PTK2B: variants seen among roughly 807,000 people sequenced by gnomAD.
PTK2B encodes protein tyrosine kinase 2 beta.
PTK2B carries 71 observed loss-of-function variants against 142.9 expected under a neutral mutation model. That is an observed-to-expected ratio of 0.50 (90% CI 0.41 to 0.61). The LOEUF (loss-of-function observed/expected upper bound fraction) is 0.61. PTK2B is among the 20% of genes least tolerant of loss of function. The pLI, the probability that PTK2B is intolerant of heterozygous loss-of-function variation, is 0.00. For synonymous variants in PTK2B, 519 were observed against 503.4 expected, an observed-to-expected ratio of 1.03 and a Z score of -0.42; for missense variants, 1,105 against 1,320.4, an observed-to-expected ratio of 0.84 and a Z score of 2.53.
chr8:27,335,467 C>A (rs1458170030), intron 1 of PTK2B, among the ~76,000 whole-genome samples: 1 of 152,078 alleles, frequency 6.6e-6, no homozygotes, highest in East Asian at 1.9e-4. Context: ...TGGCGCAGGC[C>A]TGTAATCCCA....
At chr8:27,438,110 G>A (rs925420115) in intron 18 of PTK2B, 11 of 494,298 alleles carry the variant, frequency 2.2e-5, no homozygotes, top group Admixed American at 3.2e-5. Context: ...TCTGAAGTCC[G>A]AGGTGTCTGT....
intron 5 of PTK2B, among the ~76,000 whole-genome samples, chr8:27,426,381 A>G (rs754875884): frequency 6.6e-6 from 1 of 152,204 alleles, no homozygotes; most frequent in Non-Finnish European, 1.5e-5. Flanking sequence ...AGGACCAGTC[A>G]GGCACTAGAG....
At chr8:27,423,441 C>T (rs1463321100) in intron 5 of PTK2B, among the ~76,000 whole-genome samples, 1 of 152,134 alleles carries the variant, frequency 6.6e-6, no homozygotes, top group Non-Finnish European at 1.5e-5. Context: ...TGGCCCTACC[C>T]TTGGGAGATT....
chr8:27,369,719 A>G (rs1806229474), intron 1 of PTK2B, among the ~76,000 whole-genome samples: 1 of 150,938 alleles, frequency 6.6e-6, no homozygotes, highest in Non-Finnish European at 1.5e-5. Context: ...TCATGCCCGT[A>G]ATCCCAGCAC....
chr8:27,345,066 G>A (rs1184407978), intron 1 of PTK2B, among the ~76,000 whole-genome samples: 2 of 152,204 alleles, frequency 1.3e-5, no homozygotes, highest in Non-Finnish European at 2.9e-5. Flanking sequence ...AGGAGGCTGA[G>A]GCAGGAGAAT....
chr8:27,367,363 T>C (rs1328339419), intron 1 of PTK2B, among the ~76,000 whole-genome samples: 1 of 152,204 alleles, frequency 6.6e-6, no homozygotes, highest in Non-Finnish European at 1.5e-5. Flanking sequence ...AAAGTCCATC[T>C]GGACTGGTCC....
At chr8:27,349,141 C>G (rs998270130) in intron 1 of PTK2B, among the ~76,000 whole-genome samples, 8 of 152,192 alleles carry the variant, frequency 5.3e-5, no homozygotes, top group Non-Finnish European at 1.2e-4. Context: ...ATCATTGTGA[C>G]TTAACTAAAG....
upstream of PTK2B, among the ~76,000 whole-genome samples, chr8:27,323,640 T>A (rs943772354): frequency 1.3e-5 from 2 of 152,206 alleles, no homozygotes; most frequent in Non-Finnish European, 2.9e-5. Flanking sequence ...TGGGTTTTTT[T>A]AAAAGGCAGT....
At chr8:27,376,096 T>C (rs1371697010) in intron 1 of PTK2B, among the ~76,000 whole-genome samples, 1 of 152,176 alleles carries the variant, frequency 6.6e-6, no homozygotes, top group African/African-American at 2.4e-5. Flanking sequence ...AGGTGTGGGC[T>C]GTAAAGCCAT....
intron 2 of PTK2B, among the ~76,000 whole-genome samples, chr8:27,400,431 G>GA (rs1389121196): frequency 5.1e-5 from 7 of 137,094 alleles, no homozygotes; most frequent in Admixed American, 3.7e-4. Context: ...TGACAGCAGA[G>GA]AAAAAAGGAT....
intron 3 of PTK2B, among the ~76,000 whole-genome samples, chr8:27,420,319 T>C (rs1426942393): frequency 6.6e-6 from 1 of 151,110 alleles, no homozygotes; most frequent in African/African-American, 2.4e-5. Flanking sequence ...ATGCTGACAG[T>C]GCTAGGGGAA....
intron 9 of PTK2B, 135 bp downstream of exon 9, chr8:27,431,607 C>T: frequency 8.7e-7 from 1 of 1,148,282 alleles, no homozygotes. Flanking sequence ...AGGCCATGCC[C>T]TGGCGTGAGC....
intron 27 of PTK2B, 148 bp from the exon 28 acceptor site, chr8:27,452,965 CT>C: frequency 1.1e-6 from 1 of 896,140 alleles, no homozygotes; most frequent in Non-Finnish European, 1.7e-6. Flanking sequence ...CAGGAGGTTC[CT>C]TCCCCTGCCC....
At chr8:27,347,594 G>A (rs542710240) in intron 1 of PTK2B, among the ~76,000 whole-genome samples, 18 of 152,258 alleles carry the variant, frequency 1.2e-4, no homozygotes, top group Middle Eastern at 3.4e-3. Flanking sequence ...ATCCCTCTGT[G>A]TGTGTCTGTG....
At chr8:27,310,974 C>T, upstream of PTK2B, 1 of 1,612,202 alleles carries the variant, frequency 6.2e-7, no homozygotes, top group Non-Finnish European at 8.5e-7. Flanking sequence ...CGCGCGCCCT[C>T]GGCCTCCTCG....
chr8:27,391,227 G>T (rs1437367265), intron 1 of PTK2B, among the ~76,000 whole-genome samples: 2 of 152,058 alleles, frequency 1.3e-5, no homozygotes, highest in African/African-American at 2.4e-5. Context: ...CTCCCGAGTA[G>T]CTGGGATTAC....
At chr8:27,406,263 CCTTAA>C (rs10556051) in intron 2 of PTK2B, among the ~76,000 whole-genome samples, 66,578 of 151,502 alleles carry the variant, frequency 0.44, 15,234 homozygotes, top group African/African-American at 0.56. Context: ...ATCTTGAGAT[CCTTAA>C]CTTAATTACA....
intron 1 of PTK2B, among the ~76,000 whole-genome samples, chr8:27,351,038 T>TATAC (rs1805060870): frequency 1.0e-5 from 1 of 98,436 alleles, no homozygotes; most frequent in Non-Finnish European, 1.9e-5. Context: ...TATATATATA[T>TATAC]ATACGTGCTT....
intron 1 of PTK2B, chr8:27,312,166 A>T (rs1802991480): frequency 6.6e-6 from 1 of 152,240 alleles, no homozygotes. Flanking sequence ...ATCACTTTAC[A>T]GCCTCCAGAT....
Sources: allele counts gnomAD v4.1 joint callset (sites outside exome capture counted in the v4.1 genomes callset), GRCh38; gene constraint gnomAD v4.1.1; transcripts MANE v1.5; gene names NCBI Gene and HGNC (gene_info 2026-07-23, HGNC 2026-07-21).